The following NBAS variants were observed in gnomAD, a reference collection of about 807,000 sequenced individuals.
NBAS encodes the protein NAG/BC035112 fusion.
A neutral mutation model predicts 302.5 loss-of-function variants in NBAS; 219 were observed. That is an observed-to-expected ratio of 0.72 (90% confidence interval 0.65 to 0.81). The LOEUF (loss-of-function observed/expected upper bound fraction) is 0.81, where lower values mean the gene tolerates loss of function less well. Among genes scored for constraint, NBAS ranks in the 30% least tolerant of loss-of-function variants. The pLI, the probability that NBAS is intolerant of heterozygous loss-of-function variation, is 0.00. For missense variants in NBAS, 2,932 were observed against 2,841.6 expected (o/e 1.03, Z -0.72); for synonymous variants, 1,118 against 1,021.6 (o/e 1.09, Z -1.80).
At chr2:15,159,951 C>T in the NBAS span, among the ~76,000 whole-genome samples, 1 of 152,116 alleles carries the variant, frequency 6.6e-6, no homozygotes, top group Admixed American at 6.5e-5. Context: ...GTGAGCCTCA[C>T]AATGCTCTGT....
the NBAS span, among the ~76,000 whole-genome samples, chr2:15,054,166 T>G: frequency 6.6e-6 from 1 of 152,218 alleles, no homozygotes; most frequent in African/African-American, 2.4e-5. Flanking sequence ...TGCTAAGCTC[T>G]TCACACACTC....
chr2:15,209,574 A>C (rs1666312308), intron 48 of NBAS, among the ~76,000 whole-genome samples: 1 of 152,166 alleles, frequency 6.6e-6, no homozygotes, highest in Non-Finnish European at 1.5e-5. Flanking sequence ...GATTTAATGC[A>C]ATTTCTCTCA....
the NBAS span, among the ~76,000 whole-genome samples, chr2:15,042,271 A>T: frequency 6.6e-6 from 1 of 152,226 alleles, no homozygotes; most frequent in Non-Finnish European, 1.5e-5. Flanking sequence ...TGTCAAGGGT[A>T]GTTTGAACCC....
chr2:14,964,539 T>A, the NBAS span, among the ~76,000 whole-genome samples: 1 of 152,038 alleles, frequency 6.6e-6, no homozygotes, highest in East Asian at 1.9e-4. Flanking sequence ...TCAAAATACA[T>A]GAGGGAAAAT....
At chr2:14,882,789 C>T in the NBAS span, among the ~76,000 whole-genome samples, 2 of 152,078 alleles carry the variant, frequency 1.3e-5, no homozygotes, top group Non-Finnish European at 2.9e-5. Context: ...ATAATAAAGC[C>T]ATTATCAAAT....
At chr2:14,881,654 G>A in the NBAS span, among the ~76,000 whole-genome samples, 1 of 152,136 alleles carries the variant, frequency 6.6e-6, no homozygotes, top group African/African-American at 2.4e-5. Context: ...CTAGATTGGG[G>A]CTAGCCAGCC....
rs1664758741 is a variant in NBAS at position 15,558,605 on chromosome 2, G to C, written c.147C>G (p.Ser49=). The C allele has an allele frequency of 6.2e-7, 1 of 1,612,896 alleles. No individual in the cohort carries two copies. Among genetic ancestry groups the C allele is most frequent in the Non-Finnish European group, 8.5e-7 (1 of 1,179,484 alleles). ...CTCGAATTGCTTTCGTGATGATAAAGGATGCACCATGTTTTTGGTTGCCTC... is the reference window on the plus strand; with the variant it reads ...CTCGAATTGCTTTCGTGATGATAAACGATGCACCATGTTTTTGGTTGCCTC... ...QPRGNQKHGA[S]FIITKAIRDR... Residue 49 remains serine, a synonymous_variant, in exon 2 of 52, where the codon TCC becomes TCG. Transcript: ENST00000281513.
At chr2:15,168,314 C>T (rs1664130371) in intron 51 of NBAS, among the ~76,000 whole-genome samples, 1 of 152,210 alleles carries the variant, frequency 6.6e-6, no homozygotes, top group African/African-American at 2.4e-5. Context: ...CCTGCATGTT[C>T]TGTGACAAGG....
At chr2:15,345,402 T>A (rs369460737) in intron 35 of NBAS, among the ~76,000 whole-genome samples, 1 of 152,052 alleles carries the variant, frequency 6.6e-6, no homozygotes, top group Non-Finnish European at 1.5e-5. Context: ...CTTCCATTCA[T>A]AATTGCTACA....
chr2:14,818,279 C>G, the NBAS span, among the ~76,000 whole-genome samples: 1 of 152,194 alleles, frequency 6.6e-6, no homozygotes, highest in Admixed American at 6.5e-5. Flanking sequence ...CAGATTTATT[C>G]TGAACCACAC....
rs745838337 is a variant in NBAS at position 15,504,148 on chromosome 2, T to C, written c.951A>G (p.Glu317=). 2.2e-5 allele frequency: 36 copies of C among 1,612,556 alleles called. No individual in the cohort carries two copies. The East Asian group carries it at 7.4e-4, about 33-fold the overall frequency. Residue 317 remains glutamate, a synonymous_variant, in exon 11 of 52, where the codon GAA becomes GAG. Transcript: ENST00000281513. ...SVKFYSRQGQ[E]QDGIFKMSLS... is the part of the protein sequence containing the mutation. ...TAGTTAAGCCAATTTGTGTTACCTG[T>C]TCTTGTCCCTGGCGACTGTAAAACT...
chr2:15,442,530 A>C (rs1363504561), intron 21 of NBAS, among the ~76,000 whole-genome samples: 1 of 152,030 alleles, frequency 6.6e-6, no homozygotes, highest in Non-Finnish European at 1.5e-5. Context: ...TATAGCACTA[A>C]ATGCCCACAA....
At chr2:15,546,504 G>A (rs1664122496) in intron 6 of NBAS, among the ~76,000 whole-genome samples, 1 of 152,030 alleles carries the variant, frequency 6.6e-6, no homozygotes, top group Non-Finnish European at 1.5e-5. Flanking sequence ...CAAGGCAGGT[G>A]GATCATTTGA....
intron 44 of NBAS, among the ~76,000 whole-genome samples, chr2:15,266,998 A>G (rs1016096805): frequency 2.6e-5 from 4 of 152,026 alleles, no homozygotes; most frequent in African/African-American, 9.7e-5. Context: ...CTGTGTAGCT[A>G]TCTATCACCC....
chr2:15,292,833 A>C, intron 40 of NBAS, 67 bp from the exon 41 acceptor site: 1 of 1,421,418 alleles, frequency 7.0e-7, no homozygotes, highest in Non-Finnish European at 9.9e-7. Flanking sequence ...TGAGTAACAA[A>C]TGGAAGAAGA....
chr2:15,351,033 C>T (rs1164255581), intron 35 of NBAS, among the ~76,000 whole-genome samples: 1 of 152,152 alleles, frequency 6.6e-6, no homozygotes, highest in Non-Finnish European at 1.5e-5. Flanking sequence ...GAGACATGTA[C>T]AAACGATGAC....
Position 15,218,898 on chromosome 2 carries a change from C to A in NBAS, c.6307G>T (p.Val2103Leu). The A allele has an allele frequency of 1.2e-6, 2 of 1,614,266 alleles. No individual in the cohort carries two copies. The highest frequency in any genetic ancestry group is 8.5e-7 in the Non-Finnish European group (1 of 1,180,044). ...TGCAGCACGTGAATGCGGGGCCGCA[C>A]CGGCCAGGCGTCATCAGCACAGAAA... ...RPFCADDAWP[V>L]RPRIHVLQIL... Residue 2103 changes from valine to leucine, a missense_variant, in exon 48 of 52, where the codon GTG (valine) becomes TTG (leucine). Val to Leu is a conservative substitution (Grantham distance 32). Transcript: ENST00000281513.
the NBAS span, among the ~76,000 whole-genome samples, chr2:15,012,648 C>A: frequency 6.6e-6 from 1 of 152,002 alleles, no homozygotes; most frequent in African/African-American, 2.4e-5. Flanking sequence ...CTTAAAACAG[C>A]AAGAGAAGTG....
At chr2:15,290,571 G>C (rs1327097700) in intron 41 of NBAS, among the ~76,000 whole-genome samples, 1 of 152,100 alleles carries the variant, frequency 6.6e-6, no homozygotes, top group Non-Finnish European at 1.5e-5. Flanking sequence ...CGTGAACATG[G>C]CACCAAGGAT....
Sources: gnomAD v4.1 joint callset for allele counts (sites outside exome capture counted in the v4.1 genomes callset) on GRCh38, gnomAD v4.1.1 for gene constraint, MANE v1.5 for transcripts, NCBI Gene and HGNC (gene_info 2026-07-23, HGNC 2026-07-21) for gene names.